The following CDH13 variants were observed in gnomAD, a reference collection of about 807,000 sequenced individuals.
CDH13 encodes the protein cadherin 13.
Under a neutral mutation model 63.8 loss-of-function variants are expected in CDH13, and 24 were observed. The ratio of observed to expected loss-of-function variants is 0.38; its 90% CI spans 0.27 to 0.53. CDH13 has a LOEUF of 0.53. CDH13 is among the 20% of genes least tolerant of loss of function. The pLI, the probability that CDH13 is intolerant of heterozygous loss-of-function variation, is 0.85. For missense variants in CDH13, 1,049 were observed against 903.1 expected (o/e 1.16, Z -2.07); for synonymous variants, 503 against 355.3 (o/e 1.42, Z -4.67).
intron 3 of CDH13, among the ~76,000 whole-genome samples, chr16:83,118,950 C>G (rs111563788): frequency 1.8e-4 from 27 of 152,278 alleles, no homozygotes; most frequent in African/African-American, 5.3e-4. Context: ...AAGGTCAGCC[C>G]CATTCCTTGT....
chr16:83,401,022 G>T (rs1172789269), intron 6 of CDH13, among the ~76,000 whole-genome samples: 1 of 152,160 alleles, frequency 6.6e-6, no homozygotes, highest in Non-Finnish European at 1.5e-5. Context: ...GGCCAACGTG[G>T]TGAAACCCCG....
At chr16:83,743,768 C>CT (rs57379661) in intron 10 of CDH13, among the ~76,000 whole-genome samples, 1 of 106,072 alleles carries the variant, frequency 9.4e-6, no homozygotes, top group African/African-American at 3.7e-5. Flanking sequence ...TTTTTTTTTT[C>CT]TTTGCTTTTT....
chr16:82,711,479 T>C (rs1247900834), intron 1 of CDH13, among the ~76,000 whole-genome samples: 2 of 152,166 alleles, frequency 1.3e-5, no homozygotes, highest in Admixed American at 1.3e-4. Context: ...TCCACTTTCA[T>C]CTGTTTTAGG....
intron 6 of CDH13, among the ~76,000 whole-genome samples, chr16:83,414,473 A>G (rs2092171377): frequency 6.6e-6 from 1 of 152,208 alleles, no homozygotes; most frequent in Non-Finnish European, 1.5e-5. Context: ...TTAAGTGTAC[A>G]GTAGTATTGA....
intron 2 of CDH13, among the ~76,000 whole-genome samples, chr16:82,918,027 T>G (rs2042045927): frequency 6.6e-6 from 1 of 151,786 alleles, no homozygotes; most frequent in Admixed American, 6.6e-5. Flanking sequence ...ATTGCAAATG[T>G]TAAATAAGCC....
At chr16:83,613,581 C>T (rs923872515) in intron 8 of CDH13, among the ~76,000 whole-genome samples, 1 of 152,138 alleles carries the variant, frequency 6.6e-6, no homozygotes, top group Non-Finnish European at 1.5e-5. Context: ...GCCTGTAATA[C>T]CAGCACTTTG....
chr16:82,998,698 G>C (rs72792172), intron 2 of CDH13, among the ~76,000 whole-genome samples: 24,498 of 151,960 alleles, frequency 0.16, 2,364 homozygotes, highest in African/African-American at 0.26. Context: ...GTTATCAGCA[G>C]TTATTCATAA....
intron 1 of CDH13, among the ~76,000 whole-genome samples, chr16:82,799,981 A>G (rs1012169595): frequency 6.6e-6 from 1 of 152,302 alleles, no homozygotes; most frequent in South Asian, 2.1e-4. Context: ...AGCAGAGAGG[A>G]TCTATTTTCT....
intron 7 of CDH13, among the ~76,000 whole-genome samples, chr16:83,496,154 AACTAC>A (rs2074137647): frequency 6.6e-6 from 1 of 152,122 alleles, no homozygotes; most frequent in African/African-American, 2.4e-5. Context: ...AATTGGAAAA[AACTAC>A]TTTAAAGTAA....
At chr16:82,990,510 T>C (rs1911529921) in intron 2 of CDH13, among the ~76,000 whole-genome samples, 1 of 151,746 alleles carries the variant, frequency 6.6e-6, no homozygotes, top group Admixed American at 6.6e-5. Flanking sequence ...AAAGCTTCCA[T>C]CTCTTCCTTG....
chr16:83,596,343 C>G (rs183524249), intron 7 of CDH13, among the ~76,000 whole-genome samples: 1 of 152,292 alleles, frequency 6.6e-6, no homozygotes, highest in Non-Finnish European at 1.5e-5. Flanking sequence ...GGGGTTTACC[C>G]TACATTCCTG....
At chr16:83,490,009 CCACA>C (rs10666213) in intron 7 of CDH13, among the ~76,000 whole-genome samples, 7,483 of 137,326 alleles carry the variant, frequency 0.054, 235 homozygotes, top group Admixed American at 0.13. Flanking sequence ...GCTGCAGAAA[CCACA>C]CACACACACA....
chr16:83,225,255 C>T (rs888923024), intron 5 of CDH13, among the ~76,000 whole-genome samples: 1 of 152,150 alleles, frequency 6.6e-6, no homozygotes, highest in Non-Finnish European at 1.5e-5. Flanking sequence ...ATGAAGATGA[C>T]CTTTGAACCT....
chr16:83,547,270 C>T (rs1421452354), intron 7 of CDH13, among the ~76,000 whole-genome samples: 2 of 152,236 alleles, frequency 1.3e-5, no homozygotes, highest in Non-Finnish European at 2.9e-5. Context: ...GTGGGAAGCC[C>T]AGGAACCTGG....
chr16:83,525,649 G>A (rs149676982), intron 7 of CDH13, among the ~76,000 whole-genome samples: 1 of 152,248 alleles, frequency 6.6e-6, no homozygotes, highest in Non-Finnish European at 1.5e-5. Flanking sequence ...CCATGCTTTA[G>A]TGCCCCAGAA....
At chr16:82,759,774 C>G (rs1369969828) in intron 1 of CDH13, among the ~76,000 whole-genome samples, 1 of 152,014 alleles carries the variant, frequency 6.6e-6, no homozygotes, top group Non-Finnish European at 1.5e-5. Flanking sequence ...TGCCTCTTGA[C>G]TCACTTGCCA....
At chr16:83,426,797 T>A (rs1000553948) in intron 6 of CDH13, among the ~76,000 whole-genome samples, 1 of 151,792 alleles carries the variant, frequency 6.6e-6, no homozygotes, top group African/African-American at 2.4e-5. Context: ...CTTATTAACA[T>A]GACCCATCTC....
intron 8 of CDH13, among the ~76,000 whole-genome samples, chr16:83,645,441 C>G (rs541089748): frequency 6.6e-6 from 1 of 152,222 alleles, no homozygotes; most frequent in East Asian, 1.9e-4. Flanking sequence ...GAAAAACCAC[C>G]TATCAGGTAC....
intron 4 of CDH13, among the ~76,000 whole-genome samples, chr16:83,207,140 C>T (rs2039205932): frequency 6.6e-6 from 1 of 152,142 alleles, no homozygotes. Flanking sequence ...ATGGCAGTGG[C>T]ATTAAGTACA....
Sources: gnomAD v4.1 joint callset for allele counts (sites outside exome capture counted in the v4.1 genomes callset) on GRCh38, gnomAD v4.1.1 for gene constraint, MANE v1.5 for transcripts, NCBI Gene and HGNC (gene_info 2026-07-23, HGNC 2026-07-21) for gene names.